The following ABCA13 variants were observed in gnomAD, a reference collection of about 807,000 sequenced individuals.
ABCA13 encodes the protein ATP binding cassette subfamily A member 13, also known as ATP-binding cassette sub-family A member 13.
Under a neutral mutation model 478.7 loss-of-function variants are expected in ABCA13, and 476 were observed. The observed-to-expected ratio is 0.99, with a 90% CI of 0.92 to 1.07. The LOEUF (loss-of-function observed/expected upper bound fraction) is 1.07. ABCA13 is among the 50% of genes least tolerant of loss of function. ABCA13 has a pLI of 0.00. For missense variants in ABCA13, 6,060 were observed against 5,910.6 expected, an observed-to-expected ratio of 1.03 and a Z score of -0.83; for synonymous variants, 2,252 against 2,158.9, an observed-to-expected ratio of 1.04 and a Z score of -1.20.
intron 59 of ABCA13, among the ~76,000 whole-genome samples, chr7:48,634,716 C>G (rs2131654674): frequency 6.6e-6 from 1 of 152,116 alleles, no homozygotes; most frequent in South Asian, 2.1e-4. Context: ...TTAAGGTATA[C>G]AGTTGAGTAT....
chr7:48,455,605 C>T (rs35377328), intron 43 of ABCA13, among the ~76,000 whole-genome samples: 24,110 of 152,218 alleles, frequency 0.16, 2,436 homozygotes, highest in East Asian at 0.23. Flanking sequence ...GCACGCCCTG[C>T]CCCACAGGAG....
At chr7:48,373,370 AT>A (rs1245179332) in intron 33 of ABCA13, among the ~76,000 whole-genome samples, 1 of 152,194 alleles carries the variant, frequency 6.6e-6, no homozygotes, top group Non-Finnish European at 1.5e-5. Flanking sequence ...TTCTCTGCTC[AT>A]TTAGGGCCTA....
rs536182528 is a variant in ABCA13, at chr7:48,458,413, C to T, written c.12815+3127C>T. Among the ~76,000 whole-genome samples the T allele has an allele frequency of 1.2e-3, 189 of 152,312 alleles. 1 individual carries two copies. The highest frequency in any genetic ancestry group is 4.4e-3 in the African/African-American group (181 of 41,568). On this transcript the variant is annotated intron_variant, in intron 43 of 61. Coordinates refer to ENST00000435803, the MANE Select transcript of ABCA13 (RefSeq NM_152701.5). ...GGGAAGGCATATAAGATTGCCATTA[C>T]ACTCCCTCTCTTTCTCCTTAGGGTA...
chr7:48,317,235 T>C lies in ABCA13; in HGVS notation c.9938T>C (p.Ile3313Thr), dbSNP rs1167762280. 4.3e-6 allele frequency: 7 copies of C among 1,613,686 alleles called. No homozygotes were observed. In the South Asian group the frequency reaches 6.6e-5, roughly 15 times the overall value. The change falls in exon 27 of 62, where the codon ATA becomes ACA. Residue 3313 changes from isoleucine (I) to threonine (T), a missense_variant. Physicochemically the swap from Ile to Thr is moderately conservative, Grantham distance 89 (BLOSUM62 -1). Around this residue, in one of 3 missense-constraint regions of ABCA13, gnomAD observed 4,423 missense variants for 4,309.1 expected, o/e 1.03. Coordinates refer to ENST00000435803, the MANE Select transcript of ABCA13 (RefSeq NM_152701.5). Reference protein sequence around the residue: ...GALVWTFLKPILHGKILYTPN... With the variant: ...GALVWTFLKPTLHGKILYTPN... ...TTGGTGTGGACCTTCCTAAAACCCA[T>C]ATTGCATGGAAAAATACTATACACA...
chr7:48,520,795 A>G (rs918434235), intron 53 of ABCA13, among the ~76,000 whole-genome samples: 2 of 152,228 alleles, frequency 1.3e-5, no homozygotes, highest in Non-Finnish European at 2.9e-5. Flanking sequence ...GAGTGAGAAC[A>G]TATTTTCACT....
intron 55 of ABCA13, among the ~76,000 whole-genome samples, chr7:48,541,715 G>C (rs565945720): frequency 3.4e-4 from 36 of 106,474 alleles, no homozygotes; most frequent in African/African-American, 1.9e-3. Context: ...AGAAGAAAAA[G>C]AGATATATAT....
intron 1 of ABCA13, among the ~76,000 whole-genome samples, chr7:48,178,952 G>A (rs1385129729): frequency 2.7e-5 from 4 of 147,496 alleles, no homozygotes; most frequent in South Asian, 4.2e-4. Context: ...GTGGATTTAC[G>A]TGGCTTCTGT....
chr7:48,514,744 G>A (rs1206886692), intron 51 of ABCA13, among the ~76,000 whole-genome samples: 1 of 152,090 alleles, frequency 6.6e-6, no homozygotes, highest in African/African-American at 2.4e-5. Flanking sequence ...TCTCTCTGTG[G>A]TAGTTTATTT....
At chr7:48,420,477 T>C (rs1156273834) in intron 41 of ABCA13, among the ~76,000 whole-genome samples, 1 of 152,244 alleles carries the variant, frequency 6.6e-6, no homozygotes, top group African/African-American at 2.4e-5. Context: ...TCTGGCATAA[T>C]GCAAACAGAG....
At chr7:48,550,546 AC>A (rs1314810752) in intron 55 of ABCA13, among the ~76,000 whole-genome samples, 1 of 151,832 alleles carries the variant, frequency 6.6e-6, no homozygotes. Flanking sequence ...GGCGTGAGCC[AC>A]CAAGCCTGGT....
At chr7:48,419,534 A>G (rs1452758108) in intron 41 of ABCA13, among the ~76,000 whole-genome samples, 3 of 147,982 alleles carry the variant, frequency 2.0e-5, no homozygotes, top group Non-Finnish European at 4.6e-5. Flanking sequence ...GAAAAGAGTA[A>G]TTCTTCCACG....
intron 42 of ABCA13, among the ~76,000 whole-genome samples, chr7:48,430,154 T>G (rs1821944331): frequency 1.3e-5 from 2 of 152,168 alleles, no homozygotes; most frequent in Non-Finnish European, 2.9e-5. Context: ...CAGTGAAGGC[T>G]TCTGGGTCTG....
intron 29 of ABCA13, among the ~76,000 whole-genome samples, chr7:48,349,404 A>T (rs17132246): frequency 6.6e-6 from 1 of 152,240 alleles, no homozygotes; most frequent in Non-Finnish European, 1.5e-5. Flanking sequence ...GTTCTCATCC[A>T]TCTGAAGTTG....
chr7:48,553,877 AT>A (rs902948730), intron 55 of ABCA13, among the ~76,000 whole-genome samples: 1 of 151,898 alleles, frequency 6.6e-6, no homozygotes, highest in Non-Finnish European at 1.5e-5. Context: ...TACTCAAGAA[AT>A]TTTTGCCCAG....
intron 59 of ABCA13, among the ~76,000 whole-genome samples, chr7:48,625,075 A>G (rs932695391): frequency 1.3e-5 from 2 of 152,188 alleles, no homozygotes; most frequent in African/African-American, 2.4e-5. Context: ...AGAATAGTGT[A>G]GAAGGGTTTG....
intron 55 of ABCA13, among the ~76,000 whole-genome samples, chr7:48,529,801 T>C (rs892452971): frequency 6.6e-6 from 1 of 152,192 alleles, no homozygotes; most frequent in Non-Finnish European, 1.5e-5. Flanking sequence ...TAAATATAAT[T>C]CATTTGTGAA....
intron 3 of ABCA13, among the ~76,000 whole-genome samples, chr7:48,201,029 A>G (rs1306237750): frequency 6.6e-6 from 1 of 152,210 alleles, no homozygotes; most frequent in Non-Finnish European, 1.5e-5. Flanking sequence ...GGTCCTGAGC[A>G]TCGGAGGCTC....
chr7:48,175,911 A>G (rs140250279), intron 1 of ABCA13, among the ~76,000 whole-genome samples: 1 of 151,456 alleles, frequency 6.6e-6, no homozygotes, highest in African/African-American at 2.4e-5. Flanking sequence ...AACAACAACA[A>G]GAAAATCATG....
intron 1 of ABCA13, among the ~76,000 whole-genome samples, chr7:48,172,668 G>A (rs989398245): frequency 6.6e-6 from 1 of 151,014 alleles, no homozygotes; most frequent in Non-Finnish European, 1.5e-5. Flanking sequence ...TGTGGTGGCG[G>A]ACGTCTGTAG....
Sources: gnomAD v4.1 joint callset for allele counts (sites outside exome capture counted in the v4.1 genomes callset) on GRCh38, gnomAD v4.1.1 for gene constraint, gnomAD v4.1.1 regional missense constraint, MANE v1.5 for transcripts, NCBI Gene and HGNC (gene_info 2026-07-23, HGNC 2026-07-21) for gene names.